The following PCDHA4 variants were observed in gnomAD, a reference collection of about 807,000 sequenced individuals.
The protein encoded by PCDHA4 is protocadherin alpha-4.
PCDHA4 carries 49 observed loss-of-function variants against 61.4 expected under a neutral mutation model. The observed-to-expected ratio is 0.80, with a 90% CI of 0.63 to 1.01. PCDHA4 has a LOEUF of 1.01. Ranked by LOEUF, PCDHA4 falls within the 50% of genes least tolerant of loss-of-function variation. The pLI, the probability that PCDHA4 is intolerant of heterozygous loss-of-function variation, is 0.00. For missense variants in PCDHA4, 1,254 were observed against 1,235.8 expected (o/e 1.01, Z -0.22); for synonymous variants, 590 against 550.3 (o/e 1.07, Z -1.01).
chr5:140,955,647 T>G (rs1395732517), intron 1 of PCDHA4, among the ~76,000 whole-genome samples: 1 of 152,116 alleles, frequency 6.6e-6, no homozygotes, highest in Non-Finnish European at 1.5e-5. Context: ...AACAAATTAA[T>G]ACACATATGA....
rs367717209 is a variant in PCDHA4 at position 140,808,283 on chromosome 5, G to C, written c.1096G>C (p.Gly366Arg). Reference sequence around the variant, plus strand: ...TCCAATTAGAGAGGACGCTCCACTGGGTACAGTCATCGCCCTGATCAGCGT... The same window carrying C: ...TCCAATTAGAGAGGACGCTCCACTGCGTACAGTCATCGCCCTGATCAGCGT... ...SLPIREDAPL[G>R]TVIALISVSD... is the part of the protein sequence containing the mutation. The change falls in exon 1 of 4, where the codon GGT becomes CGT. Residue 366 changes from glycine to arginine, a missense_variant. By Grantham distance (125) the Gly-to-Arg change is moderately radical. Coordinates refer to ENST00000530339, the MANE Select transcript of PCDHA4 (RefSeq NM_018907.4). 1 of 1,614,216 alleles carries C rather than the reference G, an allele frequency of 6.2e-7. No individual in the cohort carries two copies. The highest frequency in any genetic ancestry group is 1.3e-5 in the African/African-American group (1 of 75,054).
Position 140,848,312 on chromosome 5 carries a change from C to A in PCDHA4, c.2385+38740C>A, listed in dbSNP as rs4151686. 12 of 726,146 alleles carry A rather than the reference C, an allele frequency of 1.7e-5. 1 individual carries two copies. Among genetic ancestry groups the A allele is most frequent in the Non-Finnish European group, 2.5e-5 (11 of 437,168 alleles). The allele number at this position is 726,146 out of a possible 1,614,324, so 45.0% of individuals were successfully genotyped here. On this transcript the variant is annotated intron_variant, in intron 1 of 3. Transcript: ENST00000530339. ...TTGGGCCACGTGATGTCACTCTTTG[C>A]CGCGATGTTCTCTCTGAATCCAGAC... is the stretch of plus-strand genomic sequence containing the variant.
At chr5:140,969,775 G>A (rs879968185) in intron 1 of PCDHA4, among the ~76,000 whole-genome samples, 9 of 152,174 alleles carry the variant, frequency 5.9e-5, no homozygotes, top group Admixed American at 5.9e-4. Flanking sequence ...GCCTCTAGGG[G>A]CTATCATAGT....
intron 3 of PCDHA4, among the ~76,000 whole-genome samples, chr5:141,005,701 CAAAAAAA>C (rs59860837): frequency 1.3e-4 from 1 of 7,786 alleles, no homozygotes; most frequent in African/African-American, 4.7e-4. Context: ...AACTCCGTCT[CAAAAAAA>C]AAAAAAAAAA....
rs782270940 is a variant in PCDHA4, at chr5:140,809,529, A to G, written c.2342A>G (p.Asp781Gly). Reference sequence around the variant, plus strand: ...AGCCCCAGTTTACCTGACTCTAGGGACAGAGAAGATCAGCTGCAGACAACT... The same window carrying G: ...AGCCCCAGTTTACCTGACTCTAGGGGCAGAGAAGATCAGCTGCAGACAACT... ...AFSPSLPDSR[D>G]REDQLQTTEE... The change falls in exon 1 of 4, where the codon GAC (aspartate) becomes GGC (glycine). Residue 781 changes from aspartate to glycine, a missense_variant. By Grantham distance (94) the Asp-to-Gly change is moderately conservative (BLOSUM62 -1). Transcript: ENST00000530339. 1 of 1,614,060 alleles carries G rather than the reference A, an allele frequency of 6.2e-7. No individual in the cohort carries two copies. Among genetic ancestry groups the G allele is most frequent in the South Asian group, 1.1e-5 (1 of 91,078 alleles).
At chr5:140,871,299 G>C (rs782459625) in intron 1 of PCDHA4, 1 of 1,613,916 alleles carries the variant, frequency 6.2e-7, no homozygotes, top group Non-Finnish European at 8.5e-7. Context: ...GCGCGTGCGC[G>C]CCGGGGAAGC....
chr5:140,829,196 A>G, intron 1 of PCDHA4: 1 of 1,614,216 alleles, frequency 6.2e-7, no homozygotes, highest in Non-Finnish European at 8.5e-7. Context: ...TGGTACTGTC[A>G]TCGCCCTAAT....
chr5:140,906,661 A>C (rs1237437986), intron 1 of PCDHA4, among the ~76,000 whole-genome samples: 1 of 152,176 alleles, frequency 6.6e-6, no homozygotes, highest in African/African-American at 2.4e-5. Flanking sequence ...TTCCTGGTGT[A>C]GTGACCCAAA....
In PCDHA4 at chr5:140,927,982, G is replaced by T. The variant is rs114786796; in HGVS notation, c.2386-50967G>T. 280 of 1,614,224 alleles carry T rather than the reference G, an allele frequency of 1.7e-4. No individual in the cohort carries two copies. The African/African-American group carries it at 3.0e-3, about 17-fold the overall frequency. On this transcript the variant is annotated intron_variant, in intron 1 of 3. Transcript: ENST00000530339. ...TGGCACAGTGATTGCTCTCTTTAGT[G>T]TAAAGGATGAAGACCTCGATTCTAA...
At chr5:140,869,908 C>T (rs189065461) in intron 1 of PCDHA4, 51 of 1,610,528 alleles carry the variant, frequency 3.2e-5, no homozygotes, top group African/African-American at 2.4e-4. Flanking sequence ...CGCCACAGAC[C>T]GAGACGAAGG....
intron 1 of PCDHA4, among the ~76,000 whole-genome samples, chr5:140,890,365 T>A: frequency 6.6e-6 from 1 of 152,216 alleles, no homozygotes; most frequent in Non-Finnish European, 1.5e-5. Context: ...ATGGATAACC[T>A]GAACAAGTAC....
chr5:140,870,271 C>T (rs2051826884), intron 1 of PCDHA4: 1 of 1,614,176 alleles, frequency 6.2e-7, no homozygotes, highest in Non-Finnish European at 8.5e-7. Flanking sequence ...CTCGCTGACG[C>T]CCCACGTTCC....
intron 1 of PCDHA4, among the ~76,000 whole-genome samples, chr5:140,917,340 T>TG (rs2078149834): frequency 7.5e-6 from 1 of 132,986 alleles, no homozygotes; most frequent in Non-Finnish European, 1.6e-5. Context: ...AGGGGGGGGA[T>TG]GGTGTAGGCT....
chr5:140,850,112 C>G, intron 1 of PCDHA4: 1 of 1,596,024 alleles, frequency 6.3e-7, no homozygotes, highest in Non-Finnish European at 8.6e-7. Context: ...GCGCGCGCGA[C>G]GCGGGCGTGC....
chr5:140,921,953 C>A (rs2080517782), intron 1 of PCDHA4, among the ~76,000 whole-genome samples: 3 of 151,116 alleles, frequency 2.0e-5, no homozygotes, highest in African/African-American at 4.9e-5. Flanking sequence ...TTGTAAAATC[C>A]CAGAAAACCA....
intron 1 of PCDHA4, among the ~76,000 whole-genome samples, chr5:140,915,602 C>T (rs1298727977): frequency 6.6e-6 from 1 of 151,066 alleles, no homozygotes; most frequent in Non-Finnish European, 1.5e-5. Context: ...TTTTCCCTTA[C>T]TTTCTGTCAA....
chr5:140,829,708 C>G, intron 1 of PCDHA4: 1 of 1,613,376 alleles, frequency 6.2e-7, no homozygotes, highest in South Asian at 1.1e-5. Context: ...GCGCGCGCGA[C>G]GCGGGCGTGC....
chr5:140,913,164 T>C (rs1211762965), intron 1 of PCDHA4, among the ~76,000 whole-genome samples: 1 of 152,208 alleles, frequency 6.6e-6, no homozygotes, highest in Non-Finnish European at 1.5e-5. Flanking sequence ...GGATTGGTAT[T>C]AGTTCTTCTT....
intron 1 of PCDHA4, chr5:140,834,291 G>T: frequency 8.3e-7 from 1 of 1,201,540 alleles, no homozygotes; most frequent in Middle Eastern, 2.2e-4. Flanking sequence ...CACAACAATG[G>T]CCACACATCG....
Sources: gnomAD v4.1 joint callset for allele counts (sites outside exome capture counted in the v4.1 genomes callset) on GRCh38, gnomAD v4.1.1 for gene constraint, MANE v1.5 for transcripts, NCBI Gene and HGNC (gene_info 2026-07-23, HGNC 2026-07-21) for gene names.